Variants in CENPL observed in about 807,000 individuals in gnomAD.
CENPL encodes centromere protein L.
Under a neutral mutation model 35.2 loss-of-function variants are expected in CENPL, and 20 were observed. That is an observed-to-expected ratio of 0.57 (90% confidence interval 0.40 to 0.83). The LOEUF is 0.83. CENPL is among the 40% of genes least tolerant of loss of function. The probability of loss-of-function intolerance (pLI) is 0.00; values close to 1 mark genes in which losing one functional copy is unlikely to be tolerated. For missense variants in CENPL, 363 were observed against 395.8 expected, an observed-to-expected ratio of 0.92 and a Z score of 0.70; for synonymous variants, 140 against 140.6, an observed-to-expected ratio of 1.00 and a Z score of 0.03.
At chr1:173,802,474 G>A (rs1557843924) in intron 5 of CENPL, among the ~76,000 whole-genome samples, 1 of 152,094 alleles carries the variant, frequency 6.6e-6, no homozygotes, top group Admixed American at 6.5e-5. Flanking sequence ...CCAAAGTGCT[G>A]GGATTACAGG....
rs1046653853 is a variant in CENPL at position 173,819,947 on chromosome 1, G to C, written c.-8+3979C>G. Among the ~76,000 whole-genome samples, 7 of 151,808 alleles carry C rather than the reference G, an allele frequency of 4.6e-5. No individual in the cohort carries two copies. In the East Asian group the frequency reaches 1.4e-3, roughly 29 times the overall value. On this transcript the variant is annotated intron_variant, in intron 2 of 5. Transcript: ENST00000682279. ...TGGTCTTGAACTCCTGACCTCAGGTGATCCACCAGCCTCCCAAAGTGTTGG... is the reference window on the plus strand; with the variant it reads ...TGGTCTTGAACTCCTGACCTCAGGTCATCCACCAGCCTCCCAAAGTGTTGG...
chr1:173,820,224 G>A (rs971102627), intron 2 of CENPL, among the ~76,000 whole-genome samples: 5 of 151,954 alleles, frequency 3.3e-5, no homozygotes, highest in African/African-American at 9.7e-5. Flanking sequence ...CACGTTATGG[G>A]GCATTTCAGA....
At chr1:173,816,222 T>C (rs1651362386) in intron 2 of CENPL, among the ~76,000 whole-genome samples, 1 of 152,124 alleles carries the variant, frequency 6.6e-6, no homozygotes, top group Admixed American at 6.5e-5. Context: ...TGCTCATGGA[T>C]AGGAAGAATC....
chr1:173,801,003 T>A (rs1649698031), intron 5 of CENPL, among the ~76,000 whole-genome samples: 1 of 152,174 alleles, frequency 6.6e-6, no homozygotes, highest in Admixed American at 6.5e-5. Flanking sequence ...TTTCCCTTTT[T>A]GTTTTTTAAT....
rs1439825393 is a variant in CENPL at position 173,803,136 on chromosome 1, G to C, written c.790C>G (p.Leu264Val). 4 of 1,614,134 alleles carry C rather than the reference G, an allele frequency of 2.5e-6. No homozygotes were observed. Among genetic ancestry groups the C allele is most frequent in the South Asian group, 1.1e-5 (1 of 91,074 alleles). ...GGTGTTTTGTGGACACTGTCCCATAGAGCTTTTGCATCCTCTGGATGTATT... is the reference window on the plus strand; with the variant it reads ...GGTGTTTTGTGGACACTGTCCCATACAGCTTTTGCATCCTCTGGATGTATT... ...FAIHPEDAKA[L>V]WDSVHKTPGE... The change falls in exon 5 of 6, where the codon CTA (leucine) becomes GTA (valine). Residue 264 changes from leucine (L) to valine (V), a missense_variant. Leu to Val is a conservative substitution (Grantham distance 32). Coordinates refer to ENST00000682279, the MANE Select transcript of CENPL (RefSeq NM_001387287.1).
chr1:173,813,299 C>A, intron 2 of CENPL, among the ~76,000 whole-genome samples: 1 of 152,170 alleles, frequency 6.6e-6, no homozygotes, highest in East Asian at 1.9e-4. Flanking sequence ...GGCAGGCCAA[C>A]ATTCAAATTC....
intron 2 of CENPL, among the ~76,000 whole-genome samples, chr1:173,819,871 T>G (rs1417543681): frequency 6.3e-4 from 93 of 148,350 alleles, no homozygotes; most frequent in East Asian, 5.1e-3. Context: ...TTTTGTTTGT[T>G]TTTTTTTTTG....
chr1:173,801,935 A>C (rs1465772113), intron 5 of CENPL, among the ~76,000 whole-genome samples: 2 of 151,994 alleles, frequency 1.3e-5, no homozygotes, highest in Non-Finnish European at 2.9e-5. Context: ...AGGCACGAGA[A>C]TCGCTTGAGC....
rs747479891 is a variant in CENPL, at chr1:173,811,135, C to G, written c.165G>C (p.Leu55Phe). 6.2e-7 allele frequency: 1 copy of G among 1,610,470 alleles called. No individual in the cohort carries two copies. Among genetic ancestry groups the G allele is most frequent in the South Asian group, 1.1e-5 (1 of 90,910 alleles). Reference sequence around the variant, plus strand: ...CAAAGGGACACAAAAAGCATACCTGCAACTGCGAACACTGGGGAATTTTCC... The same window carrying G: ...CAAAGGGACACAAAAAGCATACCTGGAACTGCGAACACTGGGGAATTTTCC... ...PRRKIPQCSQ[L>F]QEDVDPQKVA... The change falls in exon 3 of 6, where the codon TTG (leucine) becomes TTC (phenylalanine). Residue 55 changes from leucine to phenylalanine, a missense_variant. Leu to Phe is a conservative substitution (Grantham distance 22). Transcript: ENST00000682279.
chr1:173,814,677 T>C (rs1651182000), intron 2 of CENPL, among the ~76,000 whole-genome samples: 1 of 152,218 alleles, frequency 6.6e-6, no homozygotes, highest in Admixed American at 6.5e-5. Flanking sequence ...GGGACACATT[T>C]AAAGCAGTGT....
At chr1:173,817,139 GA>G (rs1297734518) in intron 2 of CENPL, among the ~76,000 whole-genome samples, 4 of 144,998 alleles carry the variant, frequency 2.8e-5, no homozygotes, top group Non-Finnish European at 6.0e-5. Context: ...CTCCGTCTCA[GA>G]AAAAAAAGAA....
intron 3 of CENPL, among the ~76,000 whole-genome samples, chr1:173,810,846 G>C (rs951984785): frequency 6.6e-6 from 1 of 152,164 alleles, no homozygotes; most frequent in Admixed American, 6.6e-5. Context: ...GCCGCCAGGA[G>C]GCAGAGCTTG....
chr1:173,808,843 A>G (rs1242874527), intron 3 of CENPL, among the ~76,000 whole-genome samples: 1 of 152,196 alleles, frequency 6.6e-6, no homozygotes, highest in Admixed American at 6.5e-5. Context: ...AGATTTCATG[A>G]CAAAGACGCC....
At chr1:173,819,676 A>G (rs906715117) in intron 2 of CENPL, among the ~76,000 whole-genome samples, 3 of 152,038 alleles carry the variant, frequency 2.0e-5, no homozygotes, top group African/African-American at 7.2e-5. Flanking sequence ...TTATATTACT[A>G]TATTTACTTA....
At chr1:173,806,234 C>T (rs1478870201) in intron 4 of CENPL, among the ~76,000 whole-genome samples, 1 of 152,150 alleles carries the variant, frequency 6.6e-6, no homozygotes, top group Admixed American at 6.5e-5. Flanking sequence ...TTTCCTTATC[C>T]ATTATTAAGA....
intron 2 of CENPL, among the ~76,000 whole-genome samples, chr1:173,812,213 T>A: frequency 6.6e-6 from 1 of 152,266 alleles, no homozygotes; most frequent in East Asian, 1.9e-4. Flanking sequence ...GCCTACTGCC[T>A]CTATAGACTC....
chr1:173,818,050 T>C (rs1033978554), intron 2 of CENPL, among the ~76,000 whole-genome samples: 2 of 152,112 alleles, frequency 1.3e-5, no homozygotes, highest in East Asian at 1.9e-4. Context: ...AAATACCTAA[T>C]GTAAATGATG....
chr1:173,817,532 T>C (rs538174058), intron 2 of CENPL, among the ~76,000 whole-genome samples: 4 of 152,232 alleles, frequency 2.6e-5, no homozygotes, highest in Non-Finnish European at 4.4e-5. Context: ...TGTGGAGAAA[T>C]AGGAATGCTT....
In CENPL at chr1:173,800,522, G is replaced by A; in HGVS notation, c.964-3C>T. On this transcript the variant is annotated splice_region_variant and splice_polypyrimidine_tract_variant and intron_variant, in intron 5 of 5. Transcript: ENST00000682279. Reference sequence around the variant, plus strand: ...ATAAGGTATTTATGACACAGAATCTGCAAAAAGAAAAAGAAGGAGACATTT... The same window carrying A: ...ATAAGGTATTTATGACACAGAATCTACAAAAAGAAAAAGAAGGAGACATTT... 3 of 1,335,220 alleles carry A rather than the reference G, an allele frequency of 2.2e-6. No homozygotes were observed. Among genetic ancestry groups the A allele is most frequent in the Admixed American group, 2.0e-5 (1 of 51,202 alleles). The allele number at this position is 1,335,220 out of a possible 1,614,324, so 82.7% of individuals were successfully genotyped here. A position where few individuals can be genotyped will look rare whatever the true frequency, so the allele number is the denominator to read the frequency against.
Sources: gnomAD v4.1 joint callset for allele counts (sites outside exome capture counted in the v4.1 genomes callset) on GRCh38, gnomAD v4.1.1 for gene constraint, MANE v1.5 for transcripts, NCBI Gene and HGNC (gene_info 2026-07-23, HGNC 2026-07-21) for gene names.